SDK2: variants seen among roughly 807,000 people sequenced by gnomAD.
SDK2 encodes protein sidekick-2.
In SDK2, 105 loss-of-function variants were observed where a neutral mutation model predicts 253.9. The ratio of observed to expected loss-of-function variants is 0.41; its 90% CI spans 0.35 to 0.49. The LOEUF (loss-of-function observed/expected upper bound fraction) is 0.49. Among genes scored for constraint, SDK2 ranks in the 20% least tolerant of loss-of-function variants. The pLI, the probability that SDK2 is intolerant of heterozygous loss-of-function variation, is 0.06. For synonymous variants in SDK2, 1,249 were observed against 1,234.9 expected (o/e 1.01, Z -0.24); for missense variants, 2,608 against 3,003.0 (o/e 0.87, Z 3.07).
chr17:73,452,243 G>C (rs766160646), intron 4 of SDK2, among the ~76,000 whole-genome samples: 52 of 152,162 alleles, frequency 3.4e-4, no homozygotes, highest in Admixed American at 8.5e-4. Context: ...AGTGAGAGCG[G>C]CTCTCTGTAG....
At chr17:73,573,702 C>A (rs549572599) in intron 1 of SDK2, among the ~76,000 whole-genome samples, 1 of 152,360 alleles carries the variant, frequency 6.6e-6, no homozygotes, top group East Asian at 1.9e-4. Context: ...AGCCTTAGCC[C>A]CACATGGCAG....
chr17:73,598,165 C>A (rs530274994), intron 1 of SDK2, among the ~76,000 whole-genome samples: 2 of 152,176 alleles, frequency 1.3e-5, no homozygotes, highest in Non-Finnish European at 2.9e-5. Context: ...AACAGCCACC[C>A]TCCCACCATT....
rs751124832 is a variant in SDK2 at position 73,352,429 on chromosome 17, T to TCTGCTGTGGGGCTCCCCCACTCC, written c.5758+21_5758+43dup. 4 of 1,579,412 alleles carry TCTGCTGTGGGGCTCCCCCACTCC rather than the reference T, an allele frequency of 2.5e-6. No homozygotes were observed. The South Asian group carries it at 3.4e-5, about 14-fold the overall frequency. The stretch of plus-strand genomic sequence containing the variant: ...CCCTGCCCAGTGTCAGCCCCCAGGC[T>TCTGCTGTGGGGCTCCCCCACTCC]CTGCTGTGGGGCTCCCCCACTCCCT... On this transcript the variant is annotated intron_variant, in intron 41 of 44. Coordinates refer to ENST00000392650, the MANE Select transcript of SDK2 (RefSeq NM_001144952.2). The surrounding 1 kb of genome is among the most constrained non-coding windows in gnomAD (Gnocchi z 4.1).
rs1473108210 is a variant in SDK2 at position 73,610,892 on chromosome 17, G to A, written c.64+33133C>T. Among the ~76,000 whole-genome samples the A allele has an allele frequency of 8.5e-5, 13 of 152,260 alleles. No homozygotes were observed. In the East Asian group the frequency reaches 1.9e-3, roughly 23 times the overall value. ...GACAGAGAGATGGAGGGTCAGGCAG[G>A]AGTATGGAGACCAAGAGAACATGGG... On this transcript the variant is annotated intron_variant, in intron 1 of 44. Transcript: ENST00000392650.
chr17:73,505,686 CTCA>C (rs767298422), intron 2 of SDK2, among the ~76,000 whole-genome samples: 1 of 147,044 alleles, frequency 6.8e-6, no homozygotes, highest in African/African-American at 2.6e-5. Context: ...ATAGCTGGAC[CTCA>C]TCATCATCAT....
rs1318085684 is a variant in SDK2 at position 73,483,699 on chromosome 17, ATATATATATTT to A, written c.225-11492_225-11482del. Among the ~76,000 whole-genome samples the A allele has an allele frequency of 1.8e-3, 116 of 63,830 alleles. 4 individuals carry two copies. Among genetic ancestry groups the A allele is most frequent in the African/African-American group, 7.9e-3 (103 of 13,018 alleles). 41.9% of individuals were successfully genotyped at this position (63,830 alleles called of 152,430 possible). On this transcript the variant is annotated intron_variant, in intron 2 of 44. Coordinates refer to ENST00000392650, the MANE Select transcript of SDK2 (RefSeq NM_001144952.2). ...TATATATATTTATATATATATATAT[ATATATATATTT>A]TTTTTTTTTTTTAGTAGAGTTGGGG...
At chr17:73,433,898 C>A in intron 9 of SDK2, 50 bp from the exon 10 acceptor site, 6 of 1,353,668 alleles carry the variant, frequency 4.4e-6, no homozygotes, top group Non-Finnish European at 5.9e-6. Context: ...GAGATGTCCC[C>A]CAAGCCAGAG....
Position 73,386,528 on chromosome 17 carries a change from T to C in SDK2, c.4415A>G (p.Tyr1472Cys). The change falls in exon 31 of 45, where the codon TAC (tyrosine) becomes TGC (cysteine). Residue 1472 changes from tyrosine to cysteine, a missense_variant. By Grantham distance (194) the Tyr-to-Cys change is radical. Transcript: ENST00000392650. ...ATTGGTCGCCTTCACTCGGAACTTG[T>C]AGGACGTGAAGGGCTTCAGCCTGTA... is the stretch of plus-strand genomic sequence containing the variant. ...IVDRLKPFTS[Y>C]KFRVKATNDI... is the part of the protein sequence containing the mutation. 1 of 1,557,850 alleles carries C rather than the reference T, an allele frequency of 6.4e-7. No individual in the cohort carries two copies.
At chr17:73,351,140 A>C in intron 41 of SDK2, among the ~76,000 whole-genome samples, 3 of 144,100 alleles carry the variant, frequency 2.1e-5, no homozygotes, top group Admixed American at 7.0e-5. Context: ...ACGGAGTTTC[A>C]CTCTTATTTC....
intron 3 of SDK2, among the ~76,000 whole-genome samples, chr17:73,457,104 G>T (rs2063530970): frequency 2.0e-5 from 3 of 152,190 alleles, no homozygotes. Flanking sequence ...TTGACTGTGT[G>T]TCGGAACCAC....
chr17:73,602,718 C>T (rs1329368905), intron 1 of SDK2, among the ~76,000 whole-genome samples: 2 of 151,698 alleles, frequency 1.3e-5, no homozygotes, highest in Non-Finnish European at 2.9e-5. Flanking sequence ...TCAACCCTGG[C>T]GCTATTTTGT....
At chr17:73,483,365 T>G (rs1240196045) in intron 2 of SDK2, among the ~76,000 whole-genome samples, 6 of 141,388 alleles carry the variant, frequency 4.2e-5, no homozygotes, top group African/African-American at 1.6e-4. Flanking sequence ...CAGGCTAAAG[T>G]GCAGTGGCGC....
At chr17:73,421,207 A>G (rs1380770568) in intron 15 of SDK2, among the ~76,000 whole-genome samples, 1 of 152,132 alleles carries the variant, frequency 6.6e-6, no homozygotes, top group African/African-American at 2.4e-5. Flanking sequence ...GTAAACAGTG[A>G]GTATGTAAAT....
chr17:73,569,447 C>T (rs771700673), intron 1 of SDK2, among the ~76,000 whole-genome samples: 17 of 152,078 alleles, frequency 1.1e-4, no homozygotes, highest in Non-Finnish European at 2.2e-4. Context: ...ATCTGCCCAC[C>T]TGGGCCTCCC....
chr17:73,569,516 G>T (rs979053548), intron 1 of SDK2, among the ~76,000 whole-genome samples: 1 of 151,680 alleles, frequency 6.6e-6, no homozygotes, highest in Non-Finnish European at 1.5e-5. Context: ...TTTTGTATTC[G>T]TGCCTATTAA....
At chr17:73,542,710 C>T (rs2044889257) in intron 1 of SDK2, among the ~76,000 whole-genome samples, 1 of 152,156 alleles carries the variant, frequency 6.6e-6, no homozygotes, top group Non-Finnish European at 1.5e-5. Context: ...GGATTCGGGG[C>T]CTCTAGCAGG....
chr17:73,479,418 G>A (rs1316159844), intron 2 of SDK2, among the ~76,000 whole-genome samples: 1 of 152,244 alleles, frequency 6.6e-6, no homozygotes, highest in Non-Finnish European at 1.5e-5. Context: ...GACTTAGGTG[G>A]TGATCGAGGA....
chr17:73,493,369 G>A (rs2063820629), intron 2 of SDK2, among the ~76,000 whole-genome samples: 1 of 152,240 alleles, frequency 6.6e-6, no homozygotes, highest in African/African-American at 2.4e-5. Context: ...CATGTTCTGT[G>A]CGGCACATTG....
chr17:73,423,826 G>A lies in SDK2; in HGVS notation c.1760+90C>T, dbSNP rs979053431. 12 of 1,045,010 alleles carry A rather than the reference G, an allele frequency of 1.1e-5. No homozygotes were observed. In the Admixed American group the frequency reaches 1.9e-4, roughly 16 times the overall value. 64.7% of individuals were successfully genotyped at this position (1,045,010 alleles called of 1,614,324 possible). A position where few individuals can be genotyped will look rare whatever the true frequency, so the allele number is the denominator to read the frequency against. On this transcript the variant is annotated intron_variant, in intron 13 of 44. Transcript: ENST00000392650. ...CAGTTCAGGTCACACGTGGCCTGGG[G>A]ATCTGAAAAAAGGGACTCGGCTGGC...
Sources: allele counts gnomAD v4.1 joint callset (sites outside exome capture counted in the v4.1 genomes callset), GRCh38; gene constraint gnomAD v4.1.1; non-coding constraint Gnocchi (gnomAD v3.1); transcripts MANE v1.5; gene names NCBI Gene and HGNC (gene_info 2026-07-23, HGNC 2026-07-21).